The following UVRAG variants were observed in gnomAD, a reference collection of about 807,000 sequenced individuals.
UVRAG encodes the protein UV radiation resistance associated, also known as UV radiation resistance-associated gene protein.
Under a neutral mutation model 78.0 loss-of-function variants are expected in UVRAG, and 19 were observed. That is an observed-to-expected ratio of 0.24 (90% CI 0.17 to 0.36). UVRAG has a LOEUF of 0.36. UVRAG is among the 10% of genes least tolerant of loss of function. The pLI is 1.00. For missense variants in UVRAG, 740 were observed against 853.8 expected (o/e 0.87, Z 1.66); for synonymous variants, 323 against 324.6 (o/e 1.00, Z 0.05).
At chr11:76,081,938 CAA>C (rs775703377) in intron 13 of UVRAG, among the ~76,000 whole-genome samples, 22 of 69,602 alleles carry the variant, frequency 3.2e-4, no homozygotes, top group Non-Finnish European at 4.7e-4. Context: ...AGAACCAAAG[CAA>C]AAAAAAAAAA....
rs763086744 is a variant in UVRAG, at chr11:75,852,003, A to G, written c.235+3A>G. On this transcript the variant is annotated splice_donor_region_variant and intron_variant, in intron 2 of 14. Coordinates refer to ENST00000356136, the MANE Select transcript of UVRAG (RefSeq NM_003369.4). ...TAGTACTGAAAAGATATATAAAGGT[A>G]AGGGGATCTGTGGCCTTACTACCCA... 4.4e-6 allele frequency: 7 copies of G among 1,580,918 alleles called. No homozygotes were observed. Among genetic ancestry groups the G allele is most frequent in the Admixed American group, 3.6e-5 (2 of 55,032 alleles).
intron 5 of UVRAG, among the ~76,000 whole-genome samples, chr11:75,899,020 C>T (rs1486511085): frequency 6.6e-6 from 1 of 152,030 alleles, no homozygotes; most frequent in African/African-American, 2.4e-5. Flanking sequence ...GTATTTCTGC[C>T]CAGGTCTTTT....
chr11:76,118,770 T>C (rs1952227813), intron 14 of UVRAG, among the ~76,000 whole-genome samples: 1 of 152,240 alleles, frequency 6.6e-6, no homozygotes, highest in African/African-American at 2.4e-5. Context: ...CTACAGTTTT[T>C]CTTTCACATA....
rs557557086 is a variant in UVRAG at position 76,042,039 on chromosome 11, C to T, written c.1227-23671C>T. Among the ~76,000 whole-genome samples the T allele has an allele frequency of 4.0e-3, 615 of 152,180 alleles. 3 individuals carry two copies. Among genetic ancestry groups the T allele is most frequent in the African/African-American group, 0.013 (560 of 41,502 alleles). The stretch of plus-strand genomic sequence containing the variant: ...TTGTCAGAATCTAGTAAAACGGTTT[C>T]GAGTACATACTGTTTAGAAGTTTGT... On this transcript the variant is annotated intron_variant, in intron 12 of 14. Transcript: ENST00000356136.
At chr11:75,822,858 A>G (rs1945428229) in intron 1 of UVRAG, among the ~76,000 whole-genome samples, 1 of 152,018 alleles carries the variant, frequency 6.6e-6, no homozygotes, top group African/African-American at 2.4e-5. Context: ...TGGAGGCTTC[A>G]TCATGTAGGC....
intron 12 of UVRAG, among the ~76,000 whole-genome samples, chr11:76,029,909 C>G (rs982924261): frequency 5.3e-5 from 8 of 152,190 alleles, no homozygotes; most frequent in African/African-American, 1.7e-4. Context: ...CCTTCAGCAA[C>G]CACCACCCTG....
chr11:75,827,969 A>G (rs1434034121), intron 1 of UVRAG, among the ~76,000 whole-genome samples: 3 of 152,020 alleles, frequency 2.0e-5, no homozygotes, highest in East Asian at 1.9e-4. Flanking sequence ...GCTTTCATCC[A>G]CTAAGATGTT....
At chr11:75,831,344 C>G (rs567830596) in intron 1 of UVRAG, among the ~76,000 whole-genome samples, 1 of 151,926 alleles carries the variant, frequency 6.6e-6, no homozygotes, top group Non-Finnish European at 1.5e-5. Context: ...AAAAATTAGC[C>G]GGGTGTGGTG....
chr11:75,998,173 T>C (rs1949742477), intron 8 of UVRAG, among the ~76,000 whole-genome samples: 1 of 152,190 alleles, frequency 6.6e-6, no homozygotes, highest in Non-Finnish European at 1.5e-5. Flanking sequence ...AGCCTAGTTG[T>C]CAACAGGACC....
intron 7 of UVRAG, among the ~76,000 whole-genome samples, chr11:75,981,703 A>G (rs144660472): frequency 2.3e-3 from 345 of 152,064 alleles, no homozygotes; most frequent in Middle Eastern, 0.017. Context: ...CTCTTTTGGT[A>G]TAGTTACACA....
rs998564818 is a variant in UVRAG at position 76,124,995 on chromosome 11, G to A, written c.1397+8980G>A. On this transcript the variant is annotated intron_variant, in intron 14 of 14. Coordinates refer to ENST00000356136, the MANE Select transcript of UVRAG (RefSeq NM_003369.4). Reference sequence around the variant, plus strand: ...ACTCTTGAAAATGAGGCAGTATCCAGTATTTAAATCTTTACAAAGCCTCAC... The same window carrying A: ...ACTCTTGAAAATGAGGCAGTATCCAATATTTAAATCTTTACAAAGCCTCAC... Among the ~76,000 whole-genome samples, 7 of 152,168 alleles carry A rather than the reference G, an allele frequency of 4.6e-5. No individual in the cohort carries two copies. In the East Asian group the frequency reaches 1.3e-3, roughly 29 times the overall value.
chr11:76,085,344 A>G (rs1191420784), intron 13 of UVRAG, among the ~76,000 whole-genome samples: 2 of 152,202 alleles, frequency 1.3e-5, no homozygotes, highest in African/African-American at 4.8e-5. Flanking sequence ...CAATTAAAGT[A>G]TAAATTGTGC....
At chr11:75,981,692 G>A (rs1462973069) in intron 7 of UVRAG, among the ~76,000 whole-genome samples, 1 of 151,426 alleles carries the variant, frequency 6.6e-6, no homozygotes, top group Non-Finnish European at 1.5e-5. Flanking sequence ...ACAAAAGTTA[G>A]CTCTTTTGGT....
intron 3 of UVRAG, among the ~76,000 whole-genome samples, chr11:75,879,074 T>A (rs1392289854): frequency 6.6e-6 from 1 of 152,242 alleles, no homozygotes; most frequent in Non-Finnish European, 1.5e-5. Context: ...TGGACGGTTC[T>A]CTTAATGAGA....
chr11:76,021,757 A>G (rs1950249688), intron 12 of UVRAG, among the ~76,000 whole-genome samples: 1 of 152,168 alleles, frequency 6.6e-6, no homozygotes, highest in African/African-American at 2.4e-5. Flanking sequence ...CTGGTTGTTT[A>G]TGAGAGCATT....
At chr11:75,827,437 C>T (rs892292938) in intron 1 of UVRAG, among the ~76,000 whole-genome samples, 5 of 152,040 alleles carry the variant, frequency 3.3e-5, no homozygotes, top group African/African-American at 7.2e-5. Flanking sequence ...TGGCGAAACC[C>T]CATCTCTACT....
chr11:76,001,588 T>C (rs1324971873), intron 8 of UVRAG, among the ~76,000 whole-genome samples: 1 of 152,072 alleles, frequency 6.6e-6, no homozygotes, highest in Non-Finnish European at 1.5e-5. Flanking sequence ...AAAATAAGAA[T>C]TACCAATATC....
At chr11:76,051,718 G>T (rs939555459) in intron 12 of UVRAG, among the ~76,000 whole-genome samples, 6 of 152,060 alleles carry the variant, frequency 3.9e-5, no homozygotes, top group African/African-American at 1.4e-4. Flanking sequence ...CTCATTACAT[G>T]ATTTCTCCTT....
intron 4 of UVRAG, among the ~76,000 whole-genome samples, chr11:75,880,775 G>A (rs772593200): frequency 1.3e-5 from 2 of 151,364 alleles, no homozygotes; most frequent in Non-Finnish European, 3.0e-5. Flanking sequence ...GGCTGGTCTC[G>A]AACTCCTGAG....
Sources: allele counts gnomAD v4.1 joint callset (sites outside exome capture counted in the v4.1 genomes callset), GRCh38; gene constraint gnomAD v4.1.1; transcripts MANE v1.5; gene names NCBI Gene and HGNC (gene_info 2026-07-23, HGNC 2026-07-21).